The following CDC42SE2 variants were observed in gnomAD, a reference collection of about 807,000 sequenced individuals.
The protein encoded by CDC42SE2 is CDC42 small effector 2.
A neutral mutation model predicts 11.5 loss-of-function variants in CDC42SE2; 3 were observed. That is an observed-to-expected ratio of 0.26 (90% confidence interval 0.12 to 0.67). The LOEUF (loss-of-function observed/expected upper bound fraction) is 0.67. CDC42SE2 is among the 30% of genes least tolerant of loss of function. The pLI is 0.80. For synonymous variants in CDC42SE2, 33 were observed against 34.8 expected (o/e 0.95, Z 0.18); for missense variants, 82 against 106.8 (o/e 0.77, Z 1.02).
intron 3 of CDC42SE2, among the ~76,000 whole-genome samples, chr5:131,359,831 G>C (rs1749657128): frequency 6.6e-6 from 1 of 152,162 alleles, no homozygotes; most frequent in Admixed American, 6.5e-5. Context: ...AAAGGAGATA[G>C]TAACCTGAGG....
chr5:131,239,122 T>C, the CDC42SE2 span, among the ~76,000 whole-genome samples: 2 of 150,736 alleles, frequency 1.3e-5, no homozygotes, highest in Non-Finnish European at 3.0e-5. Context: ...ATTGCACCAC[T>C]GCACTCCAGC....
chr5:131,380,955 G>T lies in CDC42SE2; in HGVS notation c.55-4588G>T, dbSNP rs952035227. Among the ~76,000 whole-genome samples the T allele has an allele frequency of 2.0e-5, 3 of 152,152 alleles. No homozygotes were observed. In the East Asian group the frequency reaches 5.8e-4, roughly 29 times the overall value. On this transcript the variant is annotated intron_variant, in intron 3 of 4. Transcript: ENST00000505065. ...CATAGCACTCACTAAGGTGCCCATT[G>T]ACTTGATATTGCTGAATCCATTGCA... is the stretch of plus-strand genomic sequence containing the variant.
At position 131,393,206 on chromosome 5, in the gene CDC42SE2, A is replaced by T. The variant is rs931871941; in HGVS notation, c.*2115A>T. ...AAAAACTTTAACTTGGAATAAAGGA[A>T]CAGGGATCACTTTATCTTCTGCCTT... is the stretch of plus-strand genomic sequence containing the variant. On this transcript the variant is annotated 3_prime_UTR_variant, in exon 5 of 5. Coordinates refer to ENST00000505065, the MANE Select transcript of CDC42SE2 (RefSeq NM_001375635.1). 3 of 152,404 alleles carry T rather than the reference A, an allele frequency of 2.0e-5. No individual in the cohort carries two copies. Among genetic ancestry groups the T allele is most frequent in the African/African-American group, 7.2e-5 (3 of 41,474 alleles). The allele number at this position is 152,404 out of a possible 1,614,324, so 9.4% of individuals were successfully genotyped here.
chr5:131,369,328 A>G (rs1432720424), intron 3 of CDC42SE2, among the ~76,000 whole-genome samples: 1 of 152,074 alleles, frequency 6.6e-6, no homozygotes, highest in Non-Finnish European at 1.5e-5. Flanking sequence ...TTTCCATTAC[A>G]GTTCTTTTGA....
At chr5:131,348,124 A>G (rs1294159006) in intron 2 of CDC42SE2, among the ~76,000 whole-genome samples, 1 of 152,186 alleles carries the variant, frequency 6.6e-6, no homozygotes, top group Non-Finnish European at 1.5e-5. Flanking sequence ...TATTCAACAT[A>G]GTGTTGGAAG....
At chr5:131,322,586 G>A (rs934144141) in intron 2 of CDC42SE2, among the ~76,000 whole-genome samples, 1 of 152,118 alleles carries the variant, frequency 6.6e-6, no homozygotes, top group South Asian at 2.1e-4. Flanking sequence ...GGCTCAAGTA[G>A]TACTCTGGCA....
chr5:131,354,811 A>G (rs1013196546), intron 2 of CDC42SE2: 2 of 152,294 alleles, frequency 1.3e-5, no homozygotes, highest in African/African-American at 4.8e-5. Context: ...GAAATGCTCC[A>G]AAGTCCAAAA....
At chr5:131,339,056 G>GCCA (rs923355753) in intron 2 of CDC42SE2, among the ~76,000 whole-genome samples, 5 of 151,738 alleles carry the variant, frequency 3.3e-5, no homozygotes, top group African/African-American at 1.2e-4. Flanking sequence ...GACCATACTG[G>GCCA]CCAACATGGT....
intron 2 of CDC42SE2, among the ~76,000 whole-genome samples, chr5:131,347,520 C>CA (rs1426297972): frequency 6.6e-6 from 1 of 151,984 alleles, no homozygotes; most frequent in Non-Finnish European, 1.5e-5. Flanking sequence ...GCCTACCAAC[C>CA]AAAAAAAGTC....
intron 1 of CDC42SE2, among the ~76,000 whole-genome samples, chr5:131,246,319 G>A (rs536266299): frequency 1.9e-4 from 29 of 152,198 alleles, no homozygotes; most frequent in African/African-American, 6.7e-4. Context: ...AGCTGGGAGT[G>A]GTGGTGGGCA....
At chr5:131,381,940 C>A (rs1413268206) in intron 3 of CDC42SE2, among the ~76,000 whole-genome samples, 1 of 152,158 alleles carries the variant, frequency 6.6e-6, no homozygotes, top group African/African-American at 2.4e-5. Flanking sequence ...CTTTACTATG[C>A]TCGCACAACA....
intron 1 of CDC42SE2, among the ~76,000 whole-genome samples, chr5:131,299,542 G>A (rs1757638252): frequency 6.6e-6 from 1 of 152,180 alleles, no homozygotes. Flanking sequence ...GGATTGGGGT[G>A]GGTAATGGTA....
intron 1 of CDC42SE2, among the ~76,000 whole-genome samples, chr5:131,284,694 G>A (rs928714654): frequency 2.6e-5 from 4 of 152,012 alleles, no homozygotes; most frequent in African/African-American, 9.7e-5. Context: ...GGTTGGTTGT[G>A]AACTCCTGGG....
At chr5:131,267,147 C>G (rs976118110) in intron 1 of CDC42SE2, among the ~76,000 whole-genome samples, 1 of 150,656 alleles carries the variant, frequency 6.6e-6, no homozygotes, top group African/African-American at 2.4e-5. Context: ...CTCCACCTCC[C>G]TGGTTCAAGC....
At chr5:131,351,310 A>G (rs1759004348) in intron 2 of CDC42SE2, among the ~76,000 whole-genome samples, 1 of 151,634 alleles carries the variant, frequency 6.6e-6, no homozygotes, top group Non-Finnish European at 1.5e-5. Flanking sequence ...GCTGGAGTGC[A>G]GTGGCATGAT....
At chr5:131,372,452 G>T (rs556410726) in intron 3 of CDC42SE2, among the ~76,000 whole-genome samples, 10 of 152,082 alleles carry the variant, frequency 6.6e-5, no homozygotes, top group African/African-American at 2.4e-4. Flanking sequence ...GGTGGCTCAC[G>T]CCTGTAATCC....
At chr5:131,217,292 C>G in the CDC42SE2 span, among the ~76,000 whole-genome samples, 1 of 152,190 alleles carries the variant, frequency 6.6e-6, no homozygotes, top group Non-Finnish European at 1.5e-5. Context: ...AAATTATTTA[C>G]TATCTATCTC....
chr5:131,291,941 ATCTTAAAAATGAGTATC>A (rs766931742), intron 1 of CDC42SE2, among the ~76,000 whole-genome samples: 34 of 152,154 alleles, frequency 2.2e-4, no homozygotes, highest in Non-Finnish European at 5.0e-4. Context: ...ATTATTAAGC[ATCTTAAAAATGAGTATC>A]TTTGGCTGGG....
At chr5:131,325,442 T>G (rs532767386) in intron 2 of CDC42SE2, among the ~76,000 whole-genome samples, 74 of 152,282 alleles carry the variant, frequency 4.9e-4, no homozygotes, top group African/African-American at 1.5e-3. Flanking sequence ...ATTTTAAAAT[T>G]TGCGTCCTTT....
Sources: gnomAD v4.1 joint callset for allele counts (sites outside exome capture counted in the v4.1 genomes callset) on GRCh38, gnomAD v4.1.1 for gene constraint, MANE v1.5 for transcripts, NCBI Gene and HGNC (gene_info 2026-07-23, HGNC 2026-07-21) for gene names.